Variants in CNTNAP5 observed in about 807,000 individuals in gnomAD.
CNTNAP5 encodes the protein contactin associated protein family member 5, also known as contactin-associated protein-like 5.
In CNTNAP5, 72 loss-of-function variants were observed where a neutral mutation model predicts 150.2. The ratio of observed to expected loss-of-function variants is 0.48; its 90% CI spans 0.40 to 0.58. The LOEUF (loss-of-function observed/expected upper bound fraction) is 0.58, where lower values mean the gene tolerates loss of function less well. Ranked by LOEUF, CNTNAP5 falls within the 20% of genes least tolerant of loss-of-function variation. CNTNAP5 has a pLI of 0.00. For missense variants in CNTNAP5, 1,636 were observed against 1,626.2 expected (o/e 1.01, Z -0.10); for synonymous variants, 672 against 619.8 (o/e 1.08, Z -1.25).
chr2:124,880,841 T>G (rs1363890955), intron 21 of CNTNAP5, among the ~76,000 whole-genome samples: 1 of 152,094 alleles, frequency 6.6e-6, no homozygotes, highest in African/African-American at 2.4e-5. Flanking sequence ...AAAGAAGAGA[T>G]CATTTCTAGC....
At chr2:124,571,510 A>C (rs1696151077) in intron 11 of CNTNAP5, among the ~76,000 whole-genome samples, 1 of 86,722 alleles carries the variant, frequency 1.2e-5, no homozygotes, top group African/African-American at 4.6e-5. Context: ...CCCACTGAGT[A>C]CTTTTTTTTC....
At chr2:124,056,131 A>C (rs917698737) in intron 1 of CNTNAP5, among the ~76,000 whole-genome samples, 1 of 152,156 alleles carries the variant, frequency 6.6e-6, no homozygotes, top group African/African-American at 2.4e-5. Flanking sequence ...AATCATTTAC[A>C]TGCAGTGCTG....
intron 3 of CNTNAP5, among the ~76,000 whole-genome samples, chr2:124,355,522 G>T (rs1203344258): frequency 1.3e-5 from 2 of 151,842 alleles, no homozygotes; most frequent in East Asian, 3.9e-4. Context: ...TTCCATGTCA[G>T]CCCTGTATGC....
intron 12 of CNTNAP5, among the ~76,000 whole-genome samples, chr2:124,622,898 GCA>G (rs1214945028): frequency 2.4e-4 from 37 of 152,126 alleles, no homozygotes. Context: ...GTAAAATATT[GCA>G]CAGAATATCT....
intron 10 of CNTNAP5, among the ~76,000 whole-genome samples, chr2:124,538,686 GGAA>G (rs1012318746): frequency 6.6e-6 from 1 of 151,640 alleles, no homozygotes; most frequent in Non-Finnish European, 1.5e-5. Context: ...AAGGAAGAAA[GGAA>G]GAAAGAAAGA....
chr2:124,540,825 A>C (rs936822427), intron 10 of CNTNAP5, among the ~76,000 whole-genome samples: 1 of 152,182 alleles, frequency 6.6e-6, no homozygotes, highest in Non-Finnish European at 1.5e-5. Flanking sequence ...GGAAGGACAC[A>C]CATTTGAACC....
intron 3 of CNTNAP5, among the ~76,000 whole-genome samples, chr2:124,395,030 C>A (rs1186079544): frequency 9.5e-6 from 1 of 105,010 alleles, no homozygotes; most frequent in African/African-American, 2.7e-5. Flanking sequence ...TTAAATTCAC[C>A]CAAGAAACAC....
At chr2:124,449,101 T>A (rs537878187) in intron 6 of CNTNAP5, among the ~76,000 whole-genome samples, 3 of 152,306 alleles carry the variant, frequency 2.0e-5, no homozygotes, top group African/African-American at 7.2e-5. Flanking sequence ...ATAAGAGAGC[T>A]CTTTTGATCT....
chr2:124,869,882 T>G (rs1449070296), intron 21 of CNTNAP5, 120 bp downstream of exon 21: 1 of 515,476 alleles, frequency 1.9e-6, no homozygotes, highest in Non-Finnish European at 3.5e-6. Flanking sequence ...ATATCTGAGA[T>G]CTGAAACCAA....
rs536224620 is a variant in CNTNAP5, at chr2:124,835,975, A to G, written c.3218-29331A>G. Among the ~76,000 whole-genome samples the G allele has an allele frequency of 1.3e-4, 20 of 152,260 alleles. No homozygotes were observed. The South Asian group carries it at 3.9e-3, about 30-fold the overall frequency. On this transcript the variant is annotated intron_variant, in intron 19 of 23. Transcript: ENST00000682447. ...TATTGCCTGTTCCAGTCTTTTAGTT[A>G]GATTATTCAGAAAATATCAGAGAGA...
At chr2:124,394,067 T>C (rs369230700) in intron 3 of CNTNAP5, among the ~76,000 whole-genome samples, 3 of 152,100 alleles carry the variant, frequency 2.0e-5, no homozygotes, top group African/African-American at 4.8e-5. Context: ...ATGTTTTCTG[T>C]AGCCATTAAT....
In CNTNAP5 at chr2:124,907,332, C is replaced by T. The variant is rs142223579; in HGVS notation, c.3656-4135C>T. 2.2e-3 allele frequency among the ~76,000 whole-genome samples: 337 copies of T among 151,934 alleles called. 4 individuals are homozygous for T. Among genetic ancestry groups the T allele is most frequent in the African/African-American group, 7.4e-3 (306 of 41,484 alleles). ...AATCATTAGGTGCAAGTGTAGAAGT[C>T]CAACATATTTCAGTAATGAGGAGTT... On this transcript the variant is annotated intron_variant, in intron 22 of 23. Transcript: ENST00000682447.
chr2:124,503,857 T>C (rs532130047), intron 7 of CNTNAP5, among the ~76,000 whole-genome samples: 1 of 152,324 alleles, frequency 6.6e-6, no homozygotes, highest in Non-Finnish European at 1.5e-5. Flanking sequence ...CTTTGTTTTG[T>C]TTTCCTTCGC....
rs1558743770 is a variant in CNTNAP5 at position 124,707,147 on chromosome 2, GAAGAAGAA to G, written c.2078-40081_2078-40074del. On this transcript the variant is annotated intron_variant, in intron 13 of 23. Transcript: ENST00000682447. ...GAAAGAAGAAGAAGAAGAGGAAGAA[GAAGAAGAA>G]GAAGAAGAAGAAGAAGAAGAAGAAG... Among the ~76,000 whole-genome samples the G allele has an allele frequency of 3.9e-4, 16 of 41,026 alleles. 1 individual carries two copies. In the Admixed American group the frequency reaches 6.1e-3, roughly 16 times the overall value. 26.9% of individuals were successfully genotyped at this position (41,026 alleles called of 152,430 possible).
intron 13 of CNTNAP5, among the ~76,000 whole-genome samples, chr2:124,668,547 C>T (rs1678746586): frequency 6.6e-6 from 1 of 152,138 alleles, no homozygotes; most frequent in African/African-American, 2.4e-5. Flanking sequence ...ACACTTGTTT[C>T]CCTCCACAGG....
intron 3 of CNTNAP5, among the ~76,000 whole-genome samples, chr2:124,371,352 A>G (rs1212818913): frequency 6.6e-6 from 1 of 152,136 alleles, no homozygotes; most frequent in Non-Finnish European, 1.5e-5. Flanking sequence ...AAAGTATGTA[A>G]CAAGGGATGG....
chr2:124,583,166 G>T (rs1696452460), intron 11 of CNTNAP5, among the ~76,000 whole-genome samples: 1 of 152,036 alleles, frequency 6.6e-6, no homozygotes, highest in South Asian at 2.1e-4. Flanking sequence ...TTCCCTACAC[G>T]ACCTACACTC....
chr2:124,585,967 C>A (rs1696527179), intron 11 of CNTNAP5, among the ~76,000 whole-genome samples: 1 of 152,064 alleles, frequency 6.6e-6, no homozygotes, highest in South Asian at 2.1e-4. Context: ...AAATATGAAA[C>A]AAAGTGTGAA....
chr2:124,906,400 T>G (rs998960567), intron 22 of CNTNAP5, among the ~76,000 whole-genome samples: 16 of 152,128 alleles, frequency 1.1e-4, no homozygotes, highest in African/African-American at 3.9e-4. Context: ...ACTATGGTAT[T>G]GTTTTACCCT....
Sources: gnomAD v4.1 joint callset for allele counts (sites outside exome capture counted in the v4.1 genomes callset) on GRCh38, gnomAD v4.1.1 for gene constraint, MANE v1.5 for transcripts, NCBI Gene and HGNC (gene_info 2026-07-23, HGNC 2026-07-21) for gene names.